Variants in GABRB3 observed in about 807,000 individuals in gnomAD.
The protein encoded by GABRB3 is gamma-aminobutyric acid receptor subunit beta-3.
A neutral mutation model predicts 52.1 loss-of-function variants in GABRB3; 14 were observed. The ratio of observed to expected loss-of-function variants is 0.27; its 90% CI spans 0.18 to 0.42. The LOEUF is 0.42. Ranked by LOEUF, GABRB3 falls within the 10% of genes least tolerant of loss-of-function variation. The pLI is 1.00. For synonymous variants in GABRB3, 260 were observed against 232.3 expected, an observed-to-expected ratio of 1.12 and a Z score of -1.08; for missense variants, 307 against 609.1, an observed-to-expected ratio of 0.50 and a Z score of 5.22.
chr15:26,629,745 T>G (rs1892860684), intron 3 of GABRB3, among the ~76,000 whole-genome samples: 1 of 152,276 alleles, frequency 6.6e-6, no homozygotes. Flanking sequence ...GTAACCTGAC[T>G]TTAGAAAACT....
chr15:26,554,176 G>GAGTATATATATATATATATATATATA (rs71420007), intron 8 of GABRB3, among the ~76,000 whole-genome samples: 12 of 27,344 alleles, frequency 4.4e-4, no homozygotes, highest in Non-Finnish European at 8.1e-4. Context: ...TATATATAAA[G>GAGTATATATATATATATATATATATA]TATATATATA....
chr15:26,650,294 T>A (rs1887155851), intron 3 of GABRB3, among the ~76,000 whole-genome samples: 1 of 152,044 alleles, frequency 6.6e-6, no homozygotes, highest in African/African-American at 2.4e-5. Flanking sequence ...TGGTGTCAAG[T>A]TGGCCTCACC....
chr15:26,597,728 G>T (rs1478110855), intron 4 of GABRB3, among the ~76,000 whole-genome samples: 1 of 152,222 alleles, frequency 6.6e-6, no homozygotes, highest in Non-Finnish European at 1.5e-5. Context: ...CAAGGAATTT[G>T]CTGGAAAGCT....
Position 26,697,808 on chromosome 15 carries a change from A to C in GABRB3, c.240+74594T>G, listed in dbSNP as rs1040756231. On this transcript the variant is annotated intron_variant, in intron 3 of 8. Transcript: ENST00000311550. ...ACTGAAGAAAATTGGTCTTAAATAC[A>C]AGCTTCTTGAGGACCAGGCAACCAC... Among the ~76,000 whole-genome samples the C allele has an allele frequency of 5.2e-4, 79 of 152,150 alleles. 1 individual carries two copies. The highest frequency in any genetic ancestry group is 1.7e-3 in the African/African-American group (71 of 41,484).
At chr15:26,729,414 T>C (rs766141737) in intron 3 of GABRB3, among the ~76,000 whole-genome samples, 14 of 152,096 alleles carry the variant, frequency 9.2e-5, no homozygotes, top group Non-Finnish European at 1.9e-4. Flanking sequence ...CTGGTGCCTT[T>C]ACTGATCCAG....
At chr15:26,645,312 T>G (rs1472202513) in intron 3 of GABRB3, among the ~76,000 whole-genome samples, 1 of 152,196 alleles carries the variant, frequency 6.6e-6, no homozygotes, top group African/African-American at 2.4e-5. Context: ...TGTTTGACAG[T>G]GACAGTACAT....
intron 3 of GABRB3, among the ~76,000 whole-genome samples, chr15:26,735,316 T>C (rs1434936249): frequency 1.3e-5 from 2 of 152,204 alleles, no homozygotes; most frequent in East Asian, 1.9e-4. Flanking sequence ...ATAGCCAATA[T>C]GGAAAACAGT....
intron 3 of GABRB3, among the ~76,000 whole-genome samples, chr15:26,717,353 A>G (rs117784942): frequency 0.019 from 2,942 of 152,274 alleles, 49 homozygotes; most frequent in Middle Eastern, 0.075. Flanking sequence ...ATGACAGCCC[A>G]GCTCTAATAT....
intron 3 of GABRB3, among the ~76,000 whole-genome samples, chr15:26,739,367 C>A (rs1297212904): frequency 6.6e-6 from 1 of 152,014 alleles, no homozygotes; most frequent in East Asian, 1.9e-4. Flanking sequence ...TAGTTAACTT[C>A]CCTAAAAATC....
At chr15:26,615,051 G>C (rs1892205067) in intron 4 of GABRB3, 1 of 152,770 alleles carries the variant, frequency 6.5e-6, no homozygotes, top group African/African-American at 2.4e-5. Flanking sequence ...ATGAAGAAAA[G>C]ACCACATTAC....
At chr15:26,550,854 G>GCTA (rs1426925385) in intron 8 of GABRB3, among the ~76,000 whole-genome samples, 6 of 152,230 alleles carry the variant, frequency 3.9e-5, no homozygotes, top group African/African-American at 1.4e-4. Flanking sequence ...CTTATTTGAA[G>GCTA]CTACTAAATT....
chr15:26,618,050 T>C (rs1432092731), intron 4 of GABRB3, among the ~76,000 whole-genome samples: 2 of 152,180 alleles, frequency 1.3e-5, no homozygotes, highest in African/African-American at 4.8e-5. Context: ...TCCATGCTCA[T>C]GGGCAGGAAG....
At chr15:26,571,391 T>C (rs1384928283) in intron 6 of GABRB3, among the ~76,000 whole-genome samples, 1 of 152,202 alleles carries the variant, frequency 6.6e-6, no homozygotes, top group African/African-American at 2.4e-5. Context: ...CTTCCCATCA[T>C]GTTTCTGTGG....
intron 3 of GABRB3, among the ~76,000 whole-genome samples, chr15:26,628,714 A>AG (rs148442418): frequency 4.6e-4 from 31 of 67,252 alleles, no homozygotes; most frequent in South Asian, 1.6e-3. Context: ...AAAACAAAAC[A>AG]AAAAACCAAC....
chr15:26,645,223 G>A (rs553795295), intron 3 of GABRB3, among the ~76,000 whole-genome samples: 15 of 152,226 alleles, frequency 9.9e-5, no homozygotes, highest in African/African-American at 3.4e-4. Context: ...CCTGGGCGAC[G>A]GAGTGAGACC....
intron 3 of GABRB3, among the ~76,000 whole-genome samples, chr15:26,640,894 G>C (rs1893182622): frequency 6.6e-6 from 1 of 152,070 alleles, no homozygotes; most frequent in South Asian, 2.1e-4. Context: ...TCAGAATTAG[G>C]GTTTATAATT....
intron 3 of GABRB3, among the ~76,000 whole-genome samples, chr15:26,719,374 G>A (rs1889585762): frequency 6.6e-6 from 1 of 152,176 alleles, no homozygotes; most frequent in Non-Finnish European, 1.5e-5. Flanking sequence ...AATGTGCTTG[G>A]TTTCAATTTC....
chr15:26,576,248 C>G (rs540074502), intron 6 of GABRB3, among the ~76,000 whole-genome samples: 1 of 152,200 alleles, frequency 6.6e-6, no homozygotes, highest in Admixed American at 6.5e-5. Flanking sequence ...TTACAGCCAA[C>G]GGCTCAAATA....
In GABRB3 at chr15:26,622,213, C is replaced by T. The variant is rs138888498; in HGVS notation, c.241-679G>A. On this transcript the variant is annotated intron_variant, in intron 3 of 8. Transcript: ENST00000311550. ...CAGGATATGGGAGGTGGGAGACAGA[C>T]AGGGCCATGGTGTTGTCCACAGGCT... 4.9e-3 allele frequency among the ~76,000 whole-genome samples: 739 copies of T among 152,198 alleles called. 7 individuals are homozygous for T. Among genetic ancestry groups the T allele is most frequent in the African/African-American group, 0.017 (714 of 41,516 alleles).
Sources: gnomAD v4.1 joint callset for allele counts (sites outside exome capture counted in the v4.1 genomes callset) on GRCh38, gnomAD v4.1.1 for gene constraint, MANE v1.5 for transcripts, NCBI Gene and HGNC (gene_info 2026-07-23, HGNC 2026-07-21) for gene names.